PDZD2: variants seen among roughly 807,000 people sequenced by gnomAD.
The protein encoded by PDZD2 is PDZ domain-containing protein 2.
Under a neutral mutation model 220.7 loss-of-function variants are expected in PDZD2, and 90 were observed. The ratio of observed to expected loss-of-function variants is 0.41; its 90% CI spans 0.34 to 0.49. The LOEUF is 0.49. Ranked by LOEUF, PDZD2 falls within the 20% of genes least tolerant of loss-of-function variation. The pLI is 0.28. For synonymous variants in PDZD2, 1,375 were observed against 1,450.5 expected, an observed-to-expected ratio of 0.95 and a Z score of 1.18; for missense variants, 3,174 against 3,608.5, an observed-to-expected ratio of 0.88 and a Z score of 3.08.
chr5:31,997,628 G>T (rs1751742072), intron 4 of PDZD2, among the ~76,000 whole-genome samples: 1 of 152,094 alleles, frequency 6.6e-6, no homozygotes, highest in Non-Finnish European at 1.5e-5. Flanking sequence ...GGAAATTCCT[G>T]TGCCCAGAGA....
Position 32,069,630 on chromosome 5 carries a change from C to T in PDZD2, c.2513C>T (p.Ala838Val), listed in dbSNP as rs748728661. Reference protein sequence around the residue: ...ARSTYQESKEANSSPGLGTPL... With the variant: ...ARSTYQESKEVNSSPGLGTPL... ...AGCACTTATCAGGAGAGCAAAGAGG[C>T]CAATTCCTCTCCTGGCTTAGGTACT... The change falls in exon 15 of 25, where the codon GCC becomes GTC. Residue 838 changes from alanine to valine, a missense_variant. Ala to Val is a moderately conservative substitution (Grantham distance 64). Around this residue, in one of 4 missense-constraint regions of PDZD2, gnomAD observed 1,861 missense variants for 2,001.0 expected, o/e 0.93. Transcript: ENST00000438447. The T allele has an allele frequency of 4.5e-6, 7 of 1,557,358 alleles. No homozygotes were observed. The South Asian group carries it at 7.8e-5, about 17-fold the overall frequency.
At chr5:31,861,278 T>C (rs990401451) in intron 2 of PDZD2, among the ~76,000 whole-genome samples, 2 of 152,202 alleles carry the variant, frequency 1.3e-5, no homozygotes, top group East Asian at 3.9e-4. Flanking sequence ...TGATTAATTT[T>C]CTCCCTGTTT....
chr5:31,686,994 A>G (rs365127), intron 1 of PDZD2, among the ~76,000 whole-genome samples: 67,872 of 151,714 alleles, frequency 0.45, 15,597 homozygotes, highest in East Asian at 0.69. Flanking sequence ...TGGTGCTGTG[A>G]GCCTAAAGAG....
intron 2 of PDZD2, among the ~76,000 whole-genome samples, chr5:31,872,992 ATAATC>A (rs2150325909): frequency 6.6e-6 from 1 of 152,268 alleles, no homozygotes; most frequent in African/African-American, 2.4e-5. Context: ...AAATATATAA[ATAATC>A]TAGTTTTGTG....
intron 1 of PDZD2, among the ~76,000 whole-genome samples, chr5:31,784,932 T>C (rs542333323): frequency 1.3e-5 from 2 of 151,354 alleles, no homozygotes; most frequent in East Asian, 3.9e-4. Flanking sequence ...AGTCATGACT[T>C]TTCTAATGTT....
intron 1 of PDZD2, among the ~76,000 whole-genome samples, chr5:31,707,330 TTAAA>T (rs1369686031): frequency 4.1e-4 from 47 of 113,730 alleles, no homozygotes; most frequent in African/African-American, 1.0e-3. Context: ...AATTAATTAA[TTAAA>T]TAAAAAATAA....
At chr5:31,752,713 C>T (rs1208074893) in intron 1 of PDZD2, among the ~76,000 whole-genome samples, 1 of 152,144 alleles carries the variant, frequency 6.6e-6, no homozygotes, top group African/African-American at 2.4e-5. Context: ...CCATGCTTGT[C>T]CTTGAGCAGG....
intron 2 of PDZD2, among the ~76,000 whole-genome samples, chr5:31,976,053 T>A (rs1246325750): frequency 6.6e-6 from 1 of 151,988 alleles, no homozygotes; most frequent in Non-Finnish European, 1.5e-5. Flanking sequence ...CCAAAAAAAT[T>A]CCACCTTGAG....
chr5:31,887,889 C>A (rs1313342014), intron 2 of PDZD2, among the ~76,000 whole-genome samples: 2 of 152,086 alleles, frequency 1.3e-5, no homozygotes, highest in Non-Finnish European at 2.9e-5. Context: ...GGGACAGTTA[C>A]ACATAGCTTT....
Position 32,077,590 on chromosome 5 carries a change from G to T in PDZD2, c.3666G>T (p.Gly1222=). 1 of 1,614,132 alleles carries T rather than the reference G, an allele frequency of 6.2e-7. No homozygotes were observed. Among genetic ancestry groups the T allele is most frequent in the Admixed American group, 1.7e-5 (1 of 60,022 alleles). The change falls in exon 19 of 25, where the codon GGG becomes GGT. Residue 1222 remains glycine (G), a synonymous_variant. Transcript: ENST00000438447. The part of the protein sequence containing the change: ...ENLPKAASEL[G]QQPMTELDSS... Reference sequence around the variant, plus strand: ...TGCCCAAAGCTGCATCAGAGCTGGGGCAACAACCCATGACTGGTAAGATTA... The same window carrying T: ...TGCCCAAAGCTGCATCAGAGCTGGGTCAACAACCCATGACTGGTAAGATTA...
intron 2 of PDZD2, among the ~76,000 whole-genome samples, chr5:31,946,539 T>C (rs1349386266): frequency 6.6e-6 from 1 of 152,218 alleles, no homozygotes; most frequent in Non-Finnish European, 1.5e-5. Context: ...AGAATGTTTT[T>C]ATGGCACTGC....
intron 7 of PDZD2, among the ~76,000 whole-genome samples, chr5:32,039,711 C>A (rs1192724924): frequency 4.3e-5 from 6 of 140,194 alleles, no homozygotes; most frequent in African/African-American, 1.9e-4. Flanking sequence ...CTCTGCCCGG[C>A]CGCCCCGTCT....
At chr5:31,676,573 T>TTTTC (rs1324289667) in intron 1 of PDZD2, among the ~76,000 whole-genome samples, 1 of 150,792 alleles carries the variant, frequency 6.6e-6, no homozygotes, top group East Asian at 1.9e-4. Flanking sequence ...TTTCTCTTTT[T>TTTTC]TTTTTTTTTT....
chr5:32,013,476 A>G (rs893087992), intron 6 of PDZD2, among the ~76,000 whole-genome samples: 1 of 152,142 alleles, frequency 6.6e-6, no homozygotes, highest in African/African-American at 2.4e-5. Context: ...AAAGTTTACC[A>G]ATTAATCACA....
At chr5:32,082,745 CAT>C (rs897421397) in intron 19 of PDZD2, among the ~76,000 whole-genome samples, 12 of 152,226 alleles carry the variant, frequency 7.9e-5, no homozygotes, top group African/African-American at 2.6e-4. Context: ...TACCTACACA[CAT>C]GATTTTCCTA....
intron 2 of PDZD2, among the ~76,000 whole-genome samples, chr5:31,945,028 G>C (rs1194874667): frequency 6.6e-6 from 1 of 152,214 alleles, no homozygotes; most frequent in Non-Finnish European, 1.5e-5. Flanking sequence ...TTTATTAAGT[G>C]TGTCATTGGA....
chr5:32,040,036 G>A (rs1328202366), intron 7 of PDZD2, among the ~76,000 whole-genome samples: 7 of 147,180 alleles, frequency 4.8e-5, no homozygotes, highest in Non-Finnish European at 9.0e-5. Context: ...CTAGGAGGAA[G>A]TGAGGAGTGC....
chr5:31,748,740 G>A (rs1007780879), intron 1 of PDZD2, among the ~76,000 whole-genome samples: 1 of 152,210 alleles, frequency 6.6e-6, no homozygotes, highest in Non-Finnish European at 1.5e-5. Context: ...GCTTGGTTGG[G>A]GTGGAGTTTG....
chr5:31,816,557 CT>C (rs976134625), intron 2 of PDZD2, among the ~76,000 whole-genome samples: 3 of 151,084 alleles, frequency 2.0e-5, no homozygotes, highest in East Asian at 3.9e-4. Flanking sequence ...TATGACTTTT[CT>C]TTTTTTTTAC....
Sources: allele counts gnomAD v4.1 joint callset (sites outside exome capture counted in the v4.1 genomes callset), GRCh38; gene constraint gnomAD v4.1.1; regional missense constraint gnomAD v4.1.1; transcripts MANE v1.5; gene names NCBI Gene and HGNC (gene_info 2026-07-23, HGNC 2026-07-21).